NBPF14: variants seen among roughly 807,000 people sequenced by gnomAD.
NBPF14 encodes NBPF family member NBPF14.
In NBPF14, 104 loss-of-function variants were observed where a neutral mutation model predicts 91.2. The observed-to-expected ratio is 1.14, with a 90% confidence interval of 0.97 to 1.34. The LOEUF is 1.34. Ranked by LOEUF, NBPF14 falls within the 40% of genes most tolerant of loss-of-function variation. NBPF14 has a pLI of 0.00. For missense variants in NBPF14, 908 were observed against 783.0 expected (o/e 1.16, Z -1.91); for synonymous variants, 294 against 303.8 (o/e 0.97, Z 0.34).
At chr1:148,534,348 G>C (rs1353584630) in intron 69 of NBPF14, among the ~76,000 whole-genome samples, 4 of 151,796 alleles carry the variant, frequency 2.6e-5, no homozygotes, top group Non-Finnish European at 4.4e-5. Context: ...GAGGACTCCA[G>C]ACACTGAAAT....
rs1292122945 is a variant in NBPF14 at position 148,593,444 on chromosome 1, T to G, written c.278+154A>C. Among the ~76,000 whole-genome samples the G allele has an allele frequency of 6.1e-5, 9 of 147,482 alleles. 1 individual carries two copies. The highest frequency in any genetic ancestry group is 3.4e-4 in the Admixed American group (5 of 14,884). On this transcript the variant is annotated intron_variant, in intron 3 of 70. Transcript: ENST00000619423. ...GCAACAGAGAACTTATTATTATCCTTGTTCTCTGATAAATATTTTTGTGTC... is the reference window on the plus strand; with the variant it reads ...GCAACAGAGAACTTATTATTATCCTGGTTCTCTGATAAATATTTTTGTGTC...
At chr1:148,541,682 C>G in intron 60 of NBPF14, 49 bp downstream of exon 60, 1 of 15,336 alleles carries the variant, frequency 6.5e-5, no homozygotes, top group Non-Finnish European at 9.5e-5. Flanking sequence ...GAATCTGTTG[C>G]CTCCAGGTGT....
At chr1:148,559,996 C>G in intron 36 of NBPF14, 31 bp from the exon 37 acceptor site, 3 of 993,582 alleles carry the variant, frequency 3.0e-6, no homozygotes, top group South Asian at 1.3e-5. Context: ...AAAGAATAAG[C>G]CAGGGGGAAT....
In NBPF14 at chr1:148,587,288, G is replaced by T. The variant is rs1410961569; in HGVS notation, c.1091+13C>A. On this transcript the variant is annotated intron_variant, in intron 8 of 70. Transcript: ENST00000619423. ...CACCTGCCCCCCTGCCTGCCCCCAT[G>T]GGGTCCCCTCACCTGAGCTCCTCAG... The T allele has an allele frequency of 2.5e-6, 4 of 1,573,722 alleles. 1 individual carries two copies.
chr1:148,535,164 G>C (rs1367451305), intron 68 of NBPF14, among the ~76,000 whole-genome samples: 26 of 149,718 alleles, frequency 1.7e-4, no homozygotes, highest in African/African-American at 6.6e-4. Flanking sequence ...ACAGCGAACA[G>C]TGATCATGAA....
At chr1:148,587,947 TGAAG>T (rs1661825802) in intron 7 of NBPF14, among the ~76,000 whole-genome samples, 1 of 147,238 alleles carries the variant, frequency 6.8e-6, no homozygotes, top group African/African-American at 2.5e-5. Flanking sequence ...CATAAGGCCA[TGAAG>T]GAAATATGCC....
rs1158147883 is a variant in NBPF14, at chr1:148,538,176, G to A, written c.7935-170C>T. 2.8e-4 allele frequency among the ~76,000 whole-genome samples: 12 copies of A among 43,364 alleles called. 1 individual carries two copies. Among genetic ancestry groups the A allele is most frequent in the African/African-American group, 1.2e-3 (11 of 9,302 alleles). The allele number at this position is 43,364 out of a possible 152,430, so 28.4% of individuals were successfully genotyped here. A position where few individuals can be genotyped will look rare whatever the true frequency, so the allele number is the denominator to read the frequency against. ...TGTTGGGACAGAACAGGGCCAAATG[G>A]AAAAGAATGAAAGAGAAAGACAGAT... On this transcript the variant is annotated intron_variant, in intron 64 of 70. Transcript: ENST00000619423.
intron 13 of NBPF14, among the ~76,000 whole-genome samples, chr1:148,578,834 ACAGT>A (rs1660478228): frequency 3.3e-5 from 5 of 149,918 alleles, no homozygotes; most frequent in Admixed American, 3.3e-4. Flanking sequence ...CAATGTCGTG[ACAGT>A]CAGTCCAGGT....
chr1:148,557,117 T>A (rs1346525507), intron 40 of NBPF14, among the ~76,000 whole-genome samples: 7 of 123,414 alleles, frequency 5.7e-5, no homozygotes, highest in Admixed American at 8.0e-5. Context: ...GCTCAGTGAA[T>A]TGTCCAGGTG....
intron 14 of NBPF14, 79 bp downstream of exon 14, chr1:148,577,904 C>T: frequency 6.3e-6 from 4 of 633,976 alleles, no homozygotes; most frequent in South Asian, 3.6e-5. Flanking sequence ...TCATTATTTT[C>T]AGGATGTACT....
chr1:148,578,928 A>C, intron 13 of NBPF14, 146 bp downstream of exon 13: 2 of 689,262 alleles, frequency 2.9e-6, no homozygotes, highest in South Asian at 1.5e-5. Context: ...ACTTGACTCC[A>C]GAGTGACTGA....
intron 2 of NBPF14, among the ~76,000 whole-genome samples, chr1:148,595,207 G>A (rs1232019506): frequency 6.8e-6 from 1 of 147,582 alleles, no homozygotes; most frequent in South Asian, 2.2e-4. Flanking sequence ...CAGACTAGAT[G>A]TTATTTGTCT....
intron 14 of NBPF14, among the ~76,000 whole-genome samples, chr1:148,577,724 C>T (rs1660169857): frequency 7.0e-6 from 1 of 143,242 alleles, no homozygotes; most frequent in Non-Finnish European, 1.5e-5. Flanking sequence ...ATAAAATGTG[C>T]TCAAGTTTCC....
chr1:148,595,180 C>T lies in NBPF14; in HGVS notation c.175+363G>A, dbSNP rs1185715354. On this transcript the variant is annotated intron_variant, in intron 2 of 70. Transcript: ENST00000619423. ...TGAACTGAATAAAAGTTCACTAGTCCTAGACATTTAGAACAACAGACTAGA... is the reference window on the plus strand; with the variant it reads ...TGAACTGAATAAAAGTTCACTAGTCTTAGACATTTAGAACAACAGACTAGA... Among the ~76,000 whole-genome samples, 52 of 146,850 alleles carry T rather than the reference C, an allele frequency of 3.5e-4. 1 individual carries two copies. Among genetic ancestry groups the T allele is most frequent in the African/African-American group, 1.0e-3 (41 of 40,148 alleles).
Position 148,534,768 on chromosome 1 carries a change from C to T in NBPF14, c.8530G>A (p.Glu2844Lys), listed in dbSNP as rs1244862378. 4 of 832,518 alleles carry T rather than the reference C, an allele frequency of 4.8e-6. No individual in the cohort carries two copies. The African/African-American group carries it at 7.3e-5, about 15-fold the overall frequency. 51.6% of individuals were successfully genotyped at this position (832,518 alleles called of 1,614,324 possible). A position where few individuals can be genotyped will look rare whatever the true frequency, so the allele number is the denominator to read the frequency against. The change falls in exon 69 of 71, where the codon GAA (glutamate) becomes AAA (lysine). Residue 2844 changes from glutamate (E) to lysine (K), a missense_variant. Physicochemically the swap from Glu to Lys is moderately conservative, Grantham distance 56. This residue lies in a region of NBPF14 where 279 missense variants were observed against 107.7 expected (regional missense o/e 2.59). Transcript: ENST00000619423. ...TAGGGCTGGCCTAAGTCAGGCAGTT[C>T]AAGATAACCTGAAGGAGTCGAATAA...
rs1215079529 is a variant in NBPF14, at chr1:148,535,451, AC to A, written c.8441+1del. ...TAAGCATCCATAATTGCTCAAAGTTACCTGGGGCATGATGGGTCTTGGTCTT... is the reference window on the plus strand; with the variant it reads ...TAAGCATCCATAATTGCTCAAAGTTACTGGGGCATGATGGGTCTTGGTCTT... On this transcript the variant is annotated splice_donor_variant, in intron 68 of 70. Coordinates refer to ENST00000619423, the Ensembl canonical transcript of NBPF14. LOFTEE classifies it high-confidence loss of function. 1 of 480,710 alleles carries A rather than the reference AC, an allele frequency of 2.1e-6. No homozygotes were observed. Among genetic ancestry groups the A allele is most frequent in the Non-Finnish European group, 3.5e-6 (1 of 284,136 alleles). 29.8% of individuals were successfully genotyped at this position (480,710 alleles called of 1,614,324 possible).
rs1298091141 is a variant in NBPF14, at chr1:148,559,415, T to A, written c.4730-343A>T. 2.2e-5 allele frequency among the ~76,000 whole-genome samples: 3 copies of A among 134,168 alleles called. No individual in the cohort carries two copies. In the South Asian group the frequency reaches 7.6e-4, roughly 34 times the overall value. The allele number at this position is 134,168 out of a possible 152,430, so 88.0% of individuals were successfully genotyped here. A position where few individuals can be genotyped will look rare whatever the true frequency, so the allele number is the denominator to read the frequency against. ...AAACTGCACTATTCACCCTGTCTCA[T>A]CAAATACTCAGATTGTTCATGGTAG... On this transcript the variant is annotated intron_variant, in intron 37 of 70. Transcript: ENST00000619423.
intron 49 of NBPF14, among the ~76,000 whole-genome samples, chr1:148,550,031 C>G (rs1301883145): frequency 0.07 from 6,107 of 87,626 alleles, 6 homozygotes; most frequent in African/African-American, 0.24. Flanking sequence ...GAGGATTTTA[C>G]ACGCTGAAAT....
chr1:148,595,313 CTG>C (rs1663138265), intron 2 of NBPF14, among the ~76,000 whole-genome samples: 2 of 148,276 alleles, frequency 1.3e-5, no homozygotes, highest in African/African-American at 2.5e-5. Context: ...AAATCAATAA[CTG>C]TGAGTTTAAC....
Sources: gnomAD v4.1 joint callset for allele counts (sites outside exome capture counted in the v4.1 genomes callset) on GRCh38, gnomAD v4.1.1 for gene constraint, gnomAD v4.1.1 regional missense constraint, MANE v1.5 for transcripts, NCBI Gene and HGNC (gene_info 2026-07-23, HGNC 2026-07-21) for gene names.